The following ARHGEF33 variants were observed in gnomAD, a reference collection of about 807,000 sequenced individuals.
ARHGEF33 encodes the protein Rho guanine nucleotide exchange factor 33.
Under a neutral mutation model 101.9 loss-of-function variants are expected in ARHGEF33, and 72 were observed. The ratio of observed to expected loss-of-function variants is 0.71; its 90% confidence interval spans 0.58 to 0.86. The LOEUF is 0.86. Ranked by LOEUF, ARHGEF33 falls within the 40% of genes least tolerant of loss-of-function variation. The pLI is 0.00. For synonymous variants in ARHGEF33, 499 were observed against 442.5 expected, an observed-to-expected ratio of 1.13 and a Z score of -1.60; for missense variants, 1,169 against 1,111.3, an observed-to-expected ratio of 1.05 and a Z score of -0.74.
chr2:38,929,593 CATT>C (rs1666948419), intron 5 of ARHGEF33, 113 bp from the exon 6 acceptor site: 1 of 775,412 alleles, frequency 1.3e-6, no homozygotes, highest in Non-Finnish European at 1.8e-6. Context: ...TTTAATCTCT[CATT>C]CATTCATTCA....
intron 2 of ARHGEF33, among the ~76,000 whole-genome samples, chr2:38,916,346 AG>A (rs1392755844): frequency 6.6e-6 from 1 of 152,168 alleles, no homozygotes; most frequent in Admixed American, 6.6e-5. Flanking sequence ...TCCCCTCCTT[AG>A]GTCTCATGTG....
chr2:38,964,818 C>T (rs988085637), intron 16 of ARHGEF33, among the ~76,000 whole-genome samples: 4 of 151,958 alleles, frequency 2.6e-5, no homozygotes, highest in African/African-American at 7.3e-5. Flanking sequence ...TCTAAGTGTG[C>T]GTAAGGATTA....
At chr2:38,929,123 C>T (rs1014605367) in intron 5 of ARHGEF33, 52 bp downstream of exon 5, 2 of 1,429,150 alleles carry the variant, frequency 1.4e-6, no homozygotes, top group East Asian at 2.5e-5. Context: ...GTCTCAGTAA[C>T]AGCAATAGAA....
At chr2:38,916,634 T>C (rs1666640429) in intron 2 of ARHGEF33, among the ~76,000 whole-genome samples, 1 of 152,218 alleles carries the variant, frequency 6.6e-6, no homozygotes. Context: ...GACTTTGGGC[T>C]TTTCTTTATA....
At position 38,931,053 on chromosome 2, in the gene ARHGEF33, A is replaced by T. The variant is rs76094237; in HGVS notation, c.363-56A>T. 4.3e-4 allele frequency: 598 copies of T among 1,381,320 alleles called. 2 individuals carry two copies. The African/African-American group carries it at 7.7e-3, about 18-fold the overall frequency. The allele number at this position is 1,381,320 out of a possible 1,614,324, so 85.6% of individuals were successfully genotyped here. On this transcript the variant is annotated intron_variant, in intron 6 of 17. Transcript: ENST00000409978. ...GAGTTGTTCTGAACTGAATCTCCTC[A>T]TAACCTATCAGATATTAAGAACCAG...
At chr2:38,925,333 G>T (rs985490861) in intron 4 of ARHGEF33, among the ~76,000 whole-genome samples, 2 of 152,164 alleles carry the variant, frequency 1.3e-5, no homozygotes, top group African/African-American at 2.4e-5. Context: ...ACAGTAATAG[G>T]TTTCATCGTC....
intron 13 of ARHGEF33, among the ~76,000 whole-genome samples, chr2:38,956,185 T>G (rs1008894481): frequency 2.6e-5 from 4 of 152,162 alleles, no homozygotes; most frequent in Admixed American, 2.6e-4. Flanking sequence ...TTGCAAATAG[T>G]AGAATATGGC....
chr2:38,953,947 C>T (rs1002474615), intron 12 of ARHGEF33, among the ~76,000 whole-genome samples: 8 of 152,244 alleles, frequency 5.3e-5, no homozygotes, highest in African/African-American at 1.9e-4. Context: ...GCCAGGCCAG[C>T]TAACTAGGTT....
chr2:38,957,631 G>C (rs1667801884), intron 14 of ARHGEF33, among the ~76,000 whole-genome samples: 1 of 152,204 alleles, frequency 6.6e-6, no homozygotes, highest in Non-Finnish European at 1.5e-5. Context: ...GGGAGGATCT[G>C]AGCTTCGGAG....
At chr2:38,927,476 A>G (rs987338649) in intron 4 of ARHGEF33, among the ~76,000 whole-genome samples, 2 of 152,240 alleles carry the variant, frequency 1.3e-5, no homozygotes, top group Non-Finnish European at 2.9e-5. Context: ...AGGGTGGATC[A>G]CCTGAGTTCA....
intron 2 of ARHGEF33, among the ~76,000 whole-genome samples, chr2:38,915,281 A>G (rs1264526052): frequency 6.6e-6 from 1 of 152,176 alleles, no homozygotes; most frequent in African/African-American, 2.4e-5. Context: ...TTAACAGGCA[A>G]TACAAACAAG....
intron 15 of ARHGEF33, chr2:38,959,576 A>G (rs986144194): frequency 2.6e-6 from 1 of 382,268 alleles, no homozygotes; most frequent in African/African-American, 2.1e-5. Context: ...CAGGGCTTCC[A>G]CGCGGGGTGA....
At chr2:38,948,243 C>T (rs1186496323) in intron 10 of ARHGEF33, among the ~76,000 whole-genome samples, 1 of 152,202 alleles carries the variant, frequency 6.6e-6, no homozygotes, top group Non-Finnish European at 1.5e-5. Context: ...CTTCTGATTT[C>T]ACACTCCTCC....
At chr2:38,931,622 T>C (rs550465738) in intron 7 of ARHGEF33, among the ~76,000 whole-genome samples, 122 of 152,332 alleles carry the variant, frequency 8.0e-4, no homozygotes, top group African/African-American at 2.8e-3. Context: ...TGTCTTTCTC[T>C]GGAAAACCAG....
At chr2:38,961,368 C>T (rs1041625177) in intron 16 of ARHGEF33, among the ~76,000 whole-genome samples, 4 of 152,070 alleles carry the variant, frequency 2.6e-5, no homozygotes, top group Non-Finnish European at 4.4e-5. Context: ...CCTGTGTCTG[C>T]AGGTCTACAG....
chr2:38,929,110 T>G (rs1464635336), intron 5 of ARHGEF33, 39 bp downstream of exon 5: 15 of 1,505,674 alleles, frequency 1.0e-5, no homozygotes, highest in Non-Finnish European at 1.3e-5. Context: ...CAAGAGAATT[T>G]TGGTCTCAGT....
intron 1 of ARHGEF33, among the ~76,000 whole-genome samples, chr2:38,891,734 C>T (rs922668509): frequency 6.6e-6 from 1 of 152,034 alleles, no homozygotes; most frequent in African/African-American, 2.4e-5. Context: ...CACCCGCCCC[C>T]CACACAATTT....
At chr2:38,912,932 T>G (rs1265328660) in intron 2 of ARHGEF33, among the ~76,000 whole-genome samples, 4 of 152,170 alleles carry the variant, frequency 2.6e-5, no homozygotes, top group Non-Finnish European at 5.9e-5. Context: ...AAATAAAATA[T>G]GAAGCATCAT....
In ARHGEF33 at chr2:38,960,662, G is replaced by A; in HGVS notation, c.2343+14G>A. ...GAAGTAAGGAGGGTAAAGTAAAACC[G>A]AACCGAAACCCACAGCGTCGACGGC... On this transcript the variant is annotated intron_variant, in intron 16 of 17. Coordinates refer to ENST00000409978, the MANE Select transcript of ARHGEF33 (RefSeq NM_001145451.5). 2.2e-6 allele frequency: 3 copies of A among 1,395,112 alleles called. No individual in the cohort carries two copies. The highest frequency in any genetic ancestry group is 1.3e-5 in the South Asian group (1 of 76,332). 86.4% of individuals were successfully genotyped at this position (1,395,112 alleles called of 1,614,324 possible).
Sources: gnomAD v4.1 joint callset for allele counts (sites outside exome capture counted in the v4.1 genomes callset) on GRCh38, gnomAD v4.1.1 for gene constraint, MANE v1.5 for transcripts, NCBI Gene and HGNC (gene_info 2026-07-23, HGNC 2026-07-21) for gene names.